Variants in GALNT1 observed in about 807,000 individuals in gnomAD.
GALNT1 encodes GalNAc transferase 1.
A neutral mutation model predicts 65.7 loss-of-function variants in GALNT1; 17 were observed. The ratio of observed to expected loss-of-function variants is 0.26; its 90% CI spans 0.18 to 0.39. The LOEUF (loss-of-function observed/expected upper bound fraction) is 0.39. Ranked by LOEUF, GALNT1 falls within the 10% of genes least tolerant of loss-of-function variation. GALNT1 has a pLI of 1.00. For missense variants in GALNT1, 460 were observed against 672.8 expected (o/e 0.68, Z 3.50); for synonymous variants, 210 against 219.7 (o/e 0.96, Z 0.39).
intron 3 of GALNT1, among the ~76,000 whole-genome samples, chr18:35,670,811 A>T (rs2047623742): frequency 6.6e-6 from 1 of 152,224 alleles, no homozygotes; most frequent in Non-Finnish European, 1.5e-5. Context: ...TTCTGTACAT[A>T]CTTGAACACT....
chr18:35,646,107 C>T (rs2047227596), intron 1 of GALNT1, among the ~76,000 whole-genome samples: 1 of 152,106 alleles, frequency 6.6e-6, no homozygotes, highest in Non-Finnish European at 1.5e-5. Context: ...CCTCAGGAAA[C>T]TTACAATCAT....
intron 1 of GALNT1, among the ~76,000 whole-genome samples, chr18:35,585,659 G>A (rs535099960): frequency 6.6e-6 from 1 of 152,204 alleles, no homozygotes; most frequent in Non-Finnish European, 1.5e-5. Flanking sequence ...CTTAAACTCT[G>A]ACAATTACTA....
intron 6 of GALNT1, 36 bp from the exon 7 acceptor site, chr18:35,689,134 ATTT>A (rs1400528572): frequency 7.6e-7 from 1 of 1,316,464 alleles, no homozygotes; most frequent in African/African-American, 1.5e-5. Context: ...TTGATTGTAA[ATTT>A]TAAATTGCTA....
intron 1 of GALNT1, chr18:35,597,092 C>G (rs1167175175): frequency 6.6e-6 from 1 of 152,208 alleles, no homozygotes; most frequent in Non-Finnish European, 1.5e-5. Flanking sequence ...AGCAGAATTG[C>G]AGGAGTGACC....
rs867957948 is a variant in GALNT1, at chr18:35,702,310, C to T, written c.1300-587C>T. Among the ~76,000 whole-genome samples, 4 of 152,244 alleles carry T rather than the reference C, an allele frequency of 2.6e-5. No individual in the cohort carries two copies. In the Middle Eastern group the frequency reaches 0.014, roughly 518 times the overall value. ...AGACTTTCAAACATCTGTTAATTTACCATATGCTTTTAAAACTGCAACAGT... is the reference window on the plus strand; with the variant it reads ...AGACTTTCAAACATCTGTTAATTTATCATATGCTTTTAAAACTGCAACAGT... On this transcript the variant is annotated intron_variant, in intron 9 of 11. Transcript: ENST00000269195.
At chr18:35,654,281 T>C (rs1480060255) in intron 1 of GALNT1, among the ~76,000 whole-genome samples, 1 of 152,208 alleles carries the variant, frequency 6.6e-6, no homozygotes, top group African/African-American at 2.4e-5. Flanking sequence ...TAGGTTTCCA[T>C]TCTACAAAGT....
At chr18:35,629,457 C>G (rs977815039) in intron 1 of GALNT1, among the ~76,000 whole-genome samples, 24 of 152,224 alleles carry the variant, frequency 1.6e-4, no homozygotes, top group Non-Finnish European at 2.4e-4. Context: ...ATTTCATATC[C>G]AGCCAAACTA....
At chr18:35,602,400 A>G (rs2046593157) in intron 1 of GALNT1, among the ~76,000 whole-genome samples, 1 of 151,996 alleles carries the variant, frequency 6.6e-6, no homozygotes, top group South Asian at 2.1e-4. Context: ...GTGTATTTAT[A>G]TCTTTCTCTA....
intron 1 of GALNT1, among the ~76,000 whole-genome samples, chr18:35,629,883 C>T (rs566238486): frequency 3.3e-5 from 5 of 151,688 alleles, no homozygotes; most frequent in African/African-American, 7.2e-5. Flanking sequence ...AAATGGAAAA[C>T]AAAAAAAGGC....
At chr18:35,683,241 TC>T (rs1244317472) in intron 4 of GALNT1, 149 bp from the exon 5 acceptor site, 9 of 616,674 alleles carry the variant, frequency 1.5e-5, no homozygotes, top group Non-Finnish European at 2.3e-5. Context: ...TATAAAGGCT[TC>T]CTTTAGCAGA....
In GALNT1 at chr18:35,585,721, T is replaced by C. The variant is rs185906466; in HGVS notation, c.-104+3859T>C. On this transcript the variant is annotated intron_variant, in intron 1 of 11. Coordinates refer to ENST00000269195, the MANE Select transcript of GALNT1 (RefSeq NM_020474.4). The stretch of plus-strand genomic sequence containing the variant: ...TTTTAAGAATGTTTTATAAATGGGA[T>C]AAGTGTCTTTTGGAATTGGCTTTAT... Among the ~76,000 whole-genome samples, 126 of 152,380 alleles carry C rather than the reference T, an allele frequency of 8.3e-4. 1 individual carries two copies. Among genetic ancestry groups the C allele is most frequent in the Admixed American group, 7.0e-3 (107 of 15,304 alleles).
chr18:35,653,689 C>T (rs373947075), intron 1 of GALNT1, among the ~76,000 whole-genome samples: 1 of 152,312 alleles, frequency 6.6e-6, no homozygotes, highest in African/African-American at 2.4e-5. Context: ...AAGATGAATT[C>T]CTTACGCTTA....
chr18:35,648,397 GGTTA>G (rs957337354), intron 1 of GALNT1, among the ~76,000 whole-genome samples: 9 of 152,068 alleles, frequency 5.9e-5, no homozygotes, highest in African/African-American at 1.2e-4. Flanking sequence ...ATGTTCTGTT[GGTTA>G]GTTGTATTAA....
At chr18:35,687,219 G>A in intron 6 of GALNT1, 33 bp downstream of exon 6, 4 of 1,595,910 alleles carry the variant, frequency 2.5e-6, no homozygotes, top group Non-Finnish European at 3.4e-6. Flanking sequence ...TGCCTAAAGT[G>A]TTATTGGCAG....
At chr18:35,683,823 G>T (rs2047822944) in intron 5 of GALNT1, among the ~76,000 whole-genome samples, 1 of 152,192 alleles carries the variant, frequency 6.6e-6, no homozygotes. Context: ...TGATTAGGAA[G>T]CATGTCATTG....
At chr18:35,698,284 A>G (rs1452506097) in intron 9 of GALNT1, among the ~76,000 whole-genome samples, 1 of 152,040 alleles carries the variant, frequency 6.6e-6, no homozygotes, top group African/African-American at 2.4e-5. Context: ...CCTGGCCAAC[A>G]TGCCGAAACC....
Position 35,666,174 on chromosome 18 carries a change from C to G in GALNT1, c.314+2372C>G, listed in dbSNP as rs116219819. Among the ~76,000 whole-genome samples, 1,375 of 152,178 alleles carry G rather than the reference C, an allele frequency of 9.0e-3. 22 individuals carry two copies. The highest frequency in any genetic ancestry group is 0.03 in the African/African-American group (1,231 of 41,508). On this transcript the variant is annotated intron_variant, in intron 3 of 11. Transcript: ENST00000269195. Reference sequence around the variant, plus strand: ...CATAGTAAGAAAAAAATTAAATGAGCATTACCTTCAGGGAAAACTTTAAAA... The same window carrying G: ...CATAGTAAGAAAAAAATTAAATGAGGATTACCTTCAGGGAAAACTTTAAAA...
chr18:35,677,530 G>C (rs2047727792), intron 3 of GALNT1, 61 bp from the exon 4 acceptor site: 11 of 1,379,202 alleles, frequency 8.0e-6, no homozygotes, highest in Non-Finnish European at 1.1e-5. Flanking sequence ...TTCTAGTCCA[G>C]ATTCCTTTAT....
intron 1 of GALNT1, among the ~76,000 whole-genome samples, chr18:35,649,314 C>T (rs1054552238): frequency 1.3e-5 from 2 of 152,086 alleles, no homozygotes; most frequent in African/African-American, 2.4e-5. Context: ...TTTTCATGTA[C>T]TCATTTGCCA....
Sources: gnomAD v4.1 joint callset for allele counts (sites outside exome capture counted in the v4.1 genomes callset) on GRCh38, gnomAD v4.1.1 for gene constraint, MANE v1.5 for transcripts, NCBI Gene and HGNC (gene_info 2026-07-23, HGNC 2026-07-21) for gene names.